The following SYNE2 variants were observed in gnomAD, a reference collection of about 807,000 sequenced individuals.
SYNE2 encodes spectrin repeat containing nuclear envelope protein 2, also known as nesprin-2.
In SYNE2, 431 loss-of-function variants were observed where a neutral mutation model predicts 856.3. That is an observed-to-expected ratio of 0.50 (90% confidence interval 0.47 to 0.55). The LOEUF is 0.55. SYNE2 is among the 20% of genes least tolerant of loss of function. SYNE2 has a pLI of 0.00. For synonymous variants in SYNE2, 2,923 were observed against 2,872.3 expected (o/e 1.02, Z -0.56); for missense variants, 8,129 against 8,023.2 (o/e 1.01, Z -0.50).
chr14:64,067,516 A>G (rs1232927835), intron 51 of SYNE2, among the ~76,000 whole-genome samples: 1 of 152,238 alleles, frequency 6.6e-6, no homozygotes, highest in Non-Finnish European at 1.5e-5. Context: ...ATATCATCTA[A>G]CAGCCCATAC....
At position 63,954,824 on chromosome 14, in the gene SYNE2, T is replaced by C; in HGVS notation, c.696T>C (p.Ser232=). The part of the protein sequence containing the change: ...ALRPDLIDMK[S]VKHRSNKDNL... ...GACCAGACCTAATTGACATGAAGAG[T>C]GTGAAGCATAGATCCAACAAAGACA... The change falls in exon 8 of 116, where the codon AGT becomes AGC. Residue 232 remains serine (S), a synonymous_variant. Coordinates refer to ENST00000555002, the MANE Select transcript of SYNE2 (RefSeq NM_182914.3). 1.2e-6 allele frequency: 2 copies of C among 1,613,906 alleles called. No homozygotes were observed. Among genetic ancestry groups the C allele is most frequent in the Non-Finnish European group, 1.7e-6 (2 of 1,179,942 alleles).
intron 23 of SYNE2, among the ~76,000 whole-genome samples, chr14:63,995,456 AC>A (rs2096705790): frequency 6.6e-6 from 1 of 151,922 alleles, no homozygotes; most frequent in Non-Finnish European, 1.5e-5. Context: ...CTGTCCTCAG[AC>A]TCTGGTCACA....
At chr14:63,837,578 A>C (rs1889899623) in intron 1 of SYNE2, among the ~76,000 whole-genome samples, 1 of 152,140 alleles carries the variant, frequency 6.6e-6, no homozygotes, top group Admixed American at 6.6e-5. Flanking sequence ...ATAATTAAAG[A>C]ATTTTTGCAA....
Position 64,213,015 on chromosome 14 carries a change from C to T in SYNE2, c.19056+10C>T, listed in dbSNP as rs369172478. On this transcript the variant is annotated intron_variant, in intron 105 of 115. Coordinates refer to ENST00000555002, the MANE Select transcript of SYNE2 (RefSeq NM_182914.3). The stretch of plus-strand genomic sequence containing the variant: ...CACCTCCTGCACTCCGGTACGGGCA[C>T]TGCTGCCTAGAAATGGCACCTGGGC... 2.0e-5 allele frequency: 33 copies of T among 1,612,594 alleles called. No homozygotes were observed. The highest frequency in any genetic ancestry group is 1.3e-4 in the East Asian group (6 of 44,904).
chr14:63,771,155 C>T (rs927879820), intron 1 of SYNE2, among the ~76,000 whole-genome samples: 1 of 150,604 alleles, frequency 6.6e-6, no homozygotes, highest in Non-Finnish European at 1.5e-5. Context: ...CTGCAAGCTC[C>T]GCCTCCCGGG....
Position 64,017,007 on chromosome 14 carries a change from A to G in SYNE2, c.4887+376A>G, listed in dbSNP as rs141878181. ...TTTCATCTGGGTTTTTAAAAGTACC[A>G]TTTAACAAAAAAAAATGTGGTTTAG... is the stretch of plus-strand genomic sequence containing the variant. On this transcript the variant is annotated intron_variant, in intron 33 of 115. Transcript: ENST00000555002. 7.4e-3 allele frequency among the ~76,000 whole-genome samples: 1,120 copies of G among 152,122 alleles called. 21 individuals are homozygous for G. Among genetic ancestry groups the G allele is most frequent in the African/African-American group, 0.026 (1,067 of 41,440 alleles).
chr14:63,914,046 A>G (rs189131980), intron 2 of SYNE2, among the ~76,000 whole-genome samples: 1 of 152,148 alleles, frequency 6.6e-6, no homozygotes, highest in Non-Finnish European at 1.5e-5. Flanking sequence ...CAAAATGCCC[A>G]TTATAGAATT....
At position 64,070,722 on chromosome 14, in the gene SYNE2, C is replaced by T. The variant is rs753946278; in HGVS notation, c.10509C>T (p.Thr3503=). 6.2e-7 allele frequency: 1 copy of T among 1,614,092 alleles called. No homozygotes were observed. Among genetic ancestry groups the T allele is most frequent in the Non-Finnish European group, 8.5e-7 (1 of 1,180,000 alleles). The change falls in exon 52 of 116, where the codon ACC becomes ACT. Residue 3503 remains threonine, a synonymous_variant. Coordinates refer to ENST00000555002, the MANE Select transcript of SYNE2 (RefSeq NM_182914.3). ...PEISKTKEAA[T]TEELSELLDC... Reference sequence around the variant, plus strand: ...TTTCCAAAACAAAAGAGGCAGCCACCACAGAGGAACTCTCTGAGCTGCTAG... The same window carrying T: ...TTTCCAAAACAAAAGAGGCAGCCACTACAGAGGAACTCTCTGAGCTGCTAG...
At chr14:64,098,611 G>C in intron 62 of SYNE2, 136 bp from the exon 63 acceptor site, 1 of 845,702 alleles carries the variant, frequency 1.2e-6, no homozygotes, top group Non-Finnish European at 2.0e-6. Flanking sequence ...CGGACCAGGA[G>C]ACAGGCTTCT....
At chr14:64,189,154 T>G (rs974611512) in intron 98 of SYNE2, 1 of 595,690 alleles carries the variant, frequency 1.7e-6, no homozygotes, top group African/African-American at 1.9e-5. Context: ...GCTGACATGG[T>G]GAAACCTCGT....
chr14:64,196,305 C>G (rs1454421511), intron 99 of SYNE2, among the ~76,000 whole-genome samples: 1 of 152,158 alleles, frequency 6.6e-6, no homozygotes. Context: ...AGACTAGACA[C>G]AAACCAAGCA....
intron 2 of SYNE2, among the ~76,000 whole-genome samples, chr14:63,921,519 A>G (rs1485662801): frequency 6.6e-6 from 1 of 152,230 alleles, no homozygotes; most frequent in African/African-American, 2.4e-5. Flanking sequence ...AAGAGACCCA[A>G]CTGAGTGTGG....
At chr14:63,794,777 A>G (rs1175582152) in intron 1 of SYNE2, among the ~76,000 whole-genome samples, 1 of 152,234 alleles carries the variant, frequency 6.6e-6, no homozygotes, top group African/African-American at 2.4e-5. Flanking sequence ...AAGTGAGCAT[A>G]TAAAGAAAGG....
intron 32 of SYNE2, among the ~76,000 whole-genome samples, chr14:64,010,711 G>T (rs543108078): frequency 1.3e-5 from 2 of 152,258 alleles, no homozygotes; most frequent in Admixed American, 6.5e-5. Flanking sequence ...ACACCAGAAA[G>T]TTTCTTTCTT....
intron 64 of SYNE2, among the ~76,000 whole-genome samples, chr14:64,104,731 G>A (rs146091536): frequency 0.014 from 2,126 of 152,240 alleles, 23 homozygotes; most frequent in South Asian, 0.022. Flanking sequence ...GATTACAGGT[G>A]TGAGCCACTG....
chr14:64,031,552 C>T (rs1381187898), intron 45 of SYNE2, among the ~76,000 whole-genome samples, 195 bp downstream of exon 45: 1 of 152,162 alleles, frequency 6.6e-6, no homozygotes, highest in African/African-American at 2.4e-5. Flanking sequence ...TATTGCTGTT[C>T]AGTCTGTTAA....
intron 1 of SYNE2, among the ~76,000 whole-genome samples, chr14:63,903,835 C>T (rs1290639875): frequency 6.9e-6 from 1 of 145,268 alleles, no homozygotes; most frequent in Non-Finnish European, 1.5e-5. Context: ...ATTTCAGAGA[C>T]ATTCTATATA....
intron 99 of SYNE2, among the ~76,000 whole-genome samples, chr14:64,195,120 CTT>C (rs957444213): frequency 6.6e-6 from 1 of 152,096 alleles, no homozygotes; most frequent in African/African-American, 2.4e-5. Flanking sequence ...GTGAGGAACT[CTT>C]TAAAGACTCT....
chr14:63,900,651 G>C (rs781662229), intron 1 of SYNE2, among the ~76,000 whole-genome samples: 1 of 152,188 alleles, frequency 6.6e-6, no homozygotes, highest in East Asian at 1.9e-4. Context: ...GGTTGTTCTG[G>C]CATTTGTGTG....
Sources: gnomAD v4.1 joint callset for allele counts (sites outside exome capture counted in the v4.1 genomes callset) on GRCh38, gnomAD v4.1.1 for gene constraint, MANE v1.5 for transcripts, NCBI Gene and HGNC (gene_info 2026-07-23, HGNC 2026-07-21) for gene names.